TBC1D32: variants seen among roughly 807,000 people sequenced by gnomAD.
TBC1D32 encodes the protein TBC1 domain family member 32, also known as protein broad-minded.
In TBC1D32, 151 loss-of-function variants were observed where a neutral mutation model predicts 170.3. That is an observed-to-expected ratio of 0.89 (90% confidence interval 0.78 to 1.01). The LOEUF is 1.01. Among genes scored for constraint, TBC1D32 ranks in the 50% least tolerant of loss-of-function variants. The pLI is 0.00. For synonymous variants in TBC1D32, 498 were observed against 488.0 expected, an observed-to-expected ratio of 1.02 and a Z score of -0.27; for missense variants, 1,464 against 1,457.1, an observed-to-expected ratio of 1.00 and a Z score of -0.08.
chr6:121,104,007 T>C (rs1433456760), intron 30 of TBC1D32, among the ~76,000 whole-genome samples: 1 of 151,898 alleles, frequency 6.6e-6, no homozygotes, highest in East Asian at 1.9e-4. Context: ...AGGAAGAGTA[T>C]TCCTTTACAC....
intron 22 of TBC1D32, among the ~76,000 whole-genome samples, chr6:121,198,809 G>T (rs1364403038): frequency 1.3e-5 from 2 of 150,948 alleles, no homozygotes; most frequent in Admixed American, 6.6e-5. Flanking sequence ...TAAAATGGAG[G>T]GTGAACTAAA....
At position 121,292,231 on chromosome 6, in the gene TBC1D32, CATT is replaced by C. The variant is rs753330824; in HGVS notation, c.1232-41_1232-39del. On this transcript the variant is annotated intron_variant, in intron 11 of 31. Coordinates refer to ENST00000398212, the MANE Select transcript of TBC1D32 (RefSeq NM_152730.6). ...GCAAACACGAATATTTATTTAGTATCATTATATTTTACAGTACCTGTCTTCATT... is the reference window on the plus strand; with the variant it reads ...GCAAACACGAATATTTATTTAGTATCATATTTTACAGTACCTGTCTTCATT... 1.9e-6 allele frequency: 3 copies of C among 1,547,748 alleles called. No individual in the cohort carries two copies. The East Asian group carries it at 6.9e-5, about 35-fold the overall frequency.
chr6:121,292,798 C>A (rs931884948), intron 11 of TBC1D32, among the ~76,000 whole-genome samples: 1 of 152,142 alleles, frequency 6.6e-6, no homozygotes, highest in Non-Finnish European at 1.5e-5. Context: ...TTCACATCAG[C>A]AAAGTTCTAT....
At chr6:121,272,984 T>G (rs1197119585) in intron 15 of TBC1D32, among the ~76,000 whole-genome samples, 1 of 151,706 alleles carries the variant, frequency 6.6e-6, no homozygotes, top group Non-Finnish European at 1.5e-5. Flanking sequence ...CTGGAAACCA[T>G]CATTCTGAGC....
At chr6:121,159,945 T>G in intron 24 of TBC1D32, 65 bp downstream of exon 24, 5 of 1,120,990 alleles carry the variant, frequency 4.5e-6, no homozygotes, top group Non-Finnish European at 6.7e-6. Flanking sequence ...CCTTAATATT[T>G]TCTTTTTTTC....
At chr6:121,097,449 T>C (rs1777551890) in intron 30 of TBC1D32, among the ~76,000 whole-genome samples, 1 of 152,148 alleles carries the variant, frequency 6.6e-6, no homozygotes, top group South Asian at 2.1e-4. Context: ...AAAAAGTTCA[T>C]TATCACTGGT....
intron 22 of TBC1D32, among the ~76,000 whole-genome samples, chr6:121,168,691 A>G (rs1439735922): frequency 5.9e-5 from 6 of 101,520 alleles, no homozygotes; most frequent in Non-Finnish European, 7.7e-5. Flanking sequence ...GTGCACATGT[A>G]CCCTAAAACT....
chr6:121,150,582 C>A (rs1308360027), intron 24 of TBC1D32, among the ~76,000 whole-genome samples: 1 of 152,102 alleles, frequency 6.6e-6, no homozygotes, highest in Non-Finnish European at 1.5e-5. Context: ...GAATGGGTAC[C>A]AGCTCCTCTT....
chr6:121,332,521 T>G (rs980915741), intron 1 of TBC1D32, among the ~76,000 whole-genome samples: 28 of 152,242 alleles, frequency 1.8e-4, no homozygotes, highest in African/African-American at 6.5e-4. Context: ...AACCTTTTTA[T>G]AAATAAGTTT....
At chr6:121,277,005 G>C (rs889597414) in intron 15 of TBC1D32, among the ~76,000 whole-genome samples, 2 of 152,124 alleles carry the variant, frequency 1.3e-5, no homozygotes, top group Non-Finnish European at 2.9e-5. Context: ...GATTCAGCAG[G>C]ATGTCAGTAA....
At chr6:121,150,303 A>G (rs1435317420) in intron 24 of TBC1D32, among the ~76,000 whole-genome samples, 1 of 152,294 alleles carries the variant, frequency 6.6e-6, no homozygotes, top group East Asian at 1.9e-4. Context: ...GTGATGGATT[A>G]TATTTATTGA....
intron 22 of TBC1D32, among the ~76,000 whole-genome samples, chr6:121,178,692 G>A (rs7766150): frequency 0.78 from 117,815 of 152,018 alleles, 48,420 homozygotes; most frequent in Non-Finnish European, 0.91. Flanking sequence ...TGGTATAGGT[G>A]ATACAATGGA....
At chr6:121,299,356 T>G (rs1806118138) in intron 10 of TBC1D32, 90 bp downstream of exon 10, 1 of 1,342,682 alleles carries the variant, frequency 7.4e-7, no homozygotes. Flanking sequence ...ATATTAATTA[T>G]CACCACACAA....
intron 21 of TBC1D32, among the ~76,000 whole-genome samples, chr6:121,220,928 A>G (rs1562959283): frequency 1.3e-5 from 2 of 152,088 alleles, no homozygotes; most frequent in Non-Finnish European, 2.9e-5. Context: ...GGCATGAACA[A>G]CGACGCCCGG....
At chr6:121,100,952 T>C (rs1048143897) in intron 30 of TBC1D32, among the ~76,000 whole-genome samples, 4 of 151,878 alleles carry the variant, frequency 2.6e-5, no homozygotes, top group Admixed American at 2.0e-4. Flanking sequence ...GAGAATACTA[T>C]AAACAACTCT....
intron 21 of TBC1D32, among the ~76,000 whole-genome samples, chr6:121,216,719 G>C (rs549614392): frequency 9.2e-5 from 14 of 152,268 alleles, no homozygotes. Context: ...TTGCTTCTAA[G>C]TTCAGTGAAC....
rs1476004780 is a variant in TBC1D32, at chr6:121,256,153, A to G, written c.1866T>C (p.Ser622=). 3.1e-6 allele frequency: 5 copies of G among 1,614,048 alleles called. No homozygotes were observed. Among genetic ancestry groups the G allele is most frequent in the African/African-American group, 2.7e-5 (2 of 75,044 alleles). ...TTAACACCTGCAAACCTTCACATGT[A>G]CTATATATGTGACGACACACAGAAA... ...AFISVCRHIY[S]TCEGLQVLIT... is the part of the protein sequence containing the mutation. The change falls in exon 16 of 32, where the codon AGT becomes AGC. Residue 622 remains serine (S), a synonymous_variant. Coordinates refer to ENST00000398212, the MANE Select transcript of TBC1D32 (RefSeq NM_152730.6).
chr6:121,211,987 C>T (rs1404951780), intron 21 of TBC1D32, among the ~76,000 whole-genome samples: 1 of 97,346 alleles, frequency 1.0e-5, no homozygotes, highest in African/African-American at 3.8e-5. Flanking sequence ...AATGAATGAA[C>T]AAACACAACA....
intron 29 of TBC1D32, among the ~76,000 whole-genome samples, chr6:121,111,089 T>C (rs754805629): frequency 1.2e-4 from 18 of 152,194 alleles, no homozygotes; most frequent in Non-Finnish European, 1.9e-4. Context: ...CTTCCATTCA[T>C]ATATTCCATA....
Sources: gnomAD v4.1 joint callset for allele counts (sites outside exome capture counted in the v4.1 genomes callset) on GRCh38, gnomAD v4.1.1 for gene constraint, MANE v1.5 for transcripts, NCBI Gene and HGNC (gene_info 2026-07-23, HGNC 2026-07-21) for gene names.